DNAH6: variants seen among roughly 807,000 people sequenced by gnomAD.
The protein encoded by DNAH6 is dynein axonemal heavy chain 6, also known as axonemal beta dynein heavy chain 6.
In DNAH6, 340 loss-of-function variants were observed where a neutral mutation model predicts 491.4. The ratio of observed to expected loss-of-function variants is 0.69; its 90% confidence interval spans 0.63 to 0.76. DNAH6 has a LOEUF of 0.76. Among genes scored for constraint, DNAH6 ranks in the 30% least tolerant of loss-of-function variants. The pLI, the probability that DNAH6 is intolerant of heterozygous loss-of-function variation, is 0.00. For synonymous variants in DNAH6, 1,603 were observed against 1,686.1 expected (o/e 0.95, Z 1.21); for missense variants, 4,443 against 4,972.2 (o/e 0.89, Z 3.20).
chr2:84,520,075 A>T (rs1190433278), intron 2 of DNAH6, among the ~76,000 whole-genome samples: 1 of 152,106 alleles, frequency 6.6e-6, no homozygotes, highest in Non-Finnish European at 1.5e-5. Flanking sequence ...TTCAAATGGT[A>T]CAGTAAAATT....
chr2:84,800,180 A>G (rs1416242835), intron 70 of DNAH6, among the ~76,000 whole-genome samples: 1 of 152,200 alleles, frequency 6.6e-6, no homozygotes, highest in East Asian at 1.9e-4. Context: ...GCACCCAGAA[A>G]CAAAGCCAAT....
At position 84,701,123 on chromosome 2, in the gene DNAH6, G is replaced by A. The variant is rs561941960; in HGVS notation, c.7845G>A (p.Val2615=). 6.4e-7 allele frequency: 1 copy of A among 1,551,800 alleles called. No individual in the cohort carries two copies. The highest frequency in any genetic ancestry group is 2.4e-5 in the East Asian group (1 of 40,910). Residue 2615 remains valine, a synonymous_variant, in exon 49 of 77, where the codon GTG becomes GTA. Transcript: ENST00000389394. ...VQWPREALLS[V]SKTFFSQVDA... ...GGCCCAGAGAAGCACTTCTTTCTGT[G>A]TCAAAGACATTTTTCTCACAAGTCG...
intron 7 of DNAH6, 31 bp from the exon 8 acceptor site, chr2:84,548,257 C>T: frequency 6.3e-7 from 1 of 1,584,854 alleles, no homozygotes; most frequent in East Asian, 2.2e-5. Flanking sequence ...TACACAAGTA[C>T]ACTTGTTGTT....
the DNAH6 span, among the ~76,000 whole-genome samples, chr2:84,474,025 T>C: frequency 6.6e-6 from 1 of 152,232 alleles, no homozygotes; most frequent in East Asian, 1.9e-4. Flanking sequence ...ATCTATTTGC[T>C]GGTTCTTTAT....
rs1685848576 is a variant in DNAH6, at chr2:84,607,146, A to G, written c.3294+51A>G. On this transcript the variant is annotated intron_variant, in intron 21 of 76. Transcript: ENST00000389394. Reference sequence around the variant, plus strand: ...ACACTCAGAGAATTGGAGAGTCACAAGGACCTTAGAAATTATTTGTTTCAT... The same window carrying G: ...ACACTCAGAGAATTGGAGAGTCACAGGGACCTTAGAAATTATTTGTTTCAT... 44 of 1,480,780 alleles carry G rather than the reference A, an allele frequency of 3.0e-5. 1 individual carries two copies. In the South Asian group the frequency reaches 3.9e-4, roughly 13 times the overall value. The allele number at this position is 1,480,780 out of a possible 1,614,324, so 91.7% of individuals were successfully genotyped here. A position where few individuals can be genotyped will look rare whatever the true frequency, so the allele number is the denominator to read the frequency against.
At chr2:84,596,037 G>A (rs1480955171) in intron 18 of DNAH6, among the ~76,000 whole-genome samples, 1 of 152,176 alleles carries the variant, frequency 6.6e-6, no homozygotes, top group Non-Finnish European at 1.5e-5. Context: ...AAGGGAAATA[G>A]TGCAGGAATA....
At chr2:84,784,062 A>G (rs1676951854) in intron 65 of DNAH6, among the ~76,000 whole-genome samples, 1 of 152,214 alleles carries the variant, frequency 6.6e-6, no homozygotes, top group African/African-American at 2.4e-5. Context: ...CGTACTTAAA[A>G]ACCAATGCCA....
intron 64 of DNAH6, among the ~76,000 whole-genome samples, chr2:84,780,899 T>C (rs1240200283): frequency 6.6e-6 from 1 of 152,184 alleles, no homozygotes; most frequent in Non-Finnish European, 1.5e-5. Context: ...GGTTTCTTAG[T>C]TGTAGCTAGT....
intron 63 of DNAH6, among the ~76,000 whole-genome samples, chr2:84,752,033 T>C (rs1573699992): frequency 6.6e-6 from 1 of 152,230 alleles, no homozygotes; most frequent in East Asian, 1.9e-4. Context: ...CTAAATCCAC[T>C]GGGAACTCAA....
chr2:84,525,897 A>C (rs571547552), intron 3 of DNAH6, among the ~76,000 whole-genome samples, 159 bp downstream of exon 3: 2 of 152,330 alleles, frequency 1.3e-5, no homozygotes, highest in Admixed American at 6.5e-5. Context: ...CTATTTAAGG[A>C]AAACTCTTAC....
chr2:84,741,950 C>G (rs540770891), intron 62 of DNAH6, among the ~76,000 whole-genome samples: 13 of 152,368 alleles, frequency 8.5e-5, no homozygotes, highest in African/African-American at 2.6e-4. Context: ...TACTGTTTCC[C>G]TGCATCCAGG....
the DNAH6 span, among the ~76,000 whole-genome samples, chr2:84,491,063 T>C: frequency 1.3e-5 from 2 of 152,174 alleles, no homozygotes; most frequent in African/African-American, 4.8e-5. Context: ...AAAAATAAGG[T>C]AGCTATAAAA....
At chr2:84,720,192 G>T (rs1697961789) in intron 59 of DNAH6, among the ~76,000 whole-genome samples, 1 of 151,538 alleles carries the variant, frequency 6.6e-6, no homozygotes, top group Non-Finnish European at 1.5e-5. Flanking sequence ...GCCATGGGTG[G>T]TGTGGGAAGA....
intron 39 of DNAH6, 136 bp downstream of exon 39, chr2:84,670,611 G>C: frequency 3.0e-6 from 2 of 665,098 alleles, no homozygotes; most frequent in East Asian, 6.0e-5. Context: ...TCTGTTCATG[G>C]CATTTTTATG....
intron 5 of DNAH6, among the ~76,000 whole-genome samples, chr2:84,546,091 T>A (rs1678759021): frequency 6.6e-6 from 1 of 152,146 alleles, no homozygotes; most frequent in Non-Finnish European, 1.5e-5. Flanking sequence ...TACCTGTCCC[T>A]TCCCCCAACT....
At chr2:84,495,383 G>C in the DNAH6 span, among the ~76,000 whole-genome samples, 110 of 152,196 alleles carry the variant, frequency 7.2e-4, 3 homozygotes, top group South Asian at 0.022. Flanking sequence ...GGCTGGTCTC[G>C]AACTCCTGAC....
At chr2:84,746,163 A>G (rs1355323475) in intron 63 of DNAH6, among the ~76,000 whole-genome samples, 1 of 152,216 alleles carries the variant, frequency 6.6e-6, no homozygotes, top group African/African-American at 2.4e-5. Flanking sequence ...ATATGGAAGT[A>G]GGAAACTGTA....
intron 23 of DNAH6, among the ~76,000 whole-genome samples, chr2:84,617,694 C>CTG (rs368962459): frequency 6.6e-6 from 1 of 151,356 alleles, no homozygotes; most frequent in Non-Finnish European, 1.5e-5. Context: ...ATATGTGTGC[C>CTG]TGTGTGTGTG....
Position 84,709,659 on chromosome 2 carries a change from A to G in DNAH6, c.9252+113A>G, listed in dbSNP as rs144650928. The G allele has an allele frequency of 1.3e-4, 148 of 1,171,152 alleles. No homozygotes were observed. The African/African-American group carries it at 1.4e-3, about 11-fold the overall frequency. 72.5% of individuals were successfully genotyped at this position (1,171,152 alleles called of 1,614,324 possible). A position where few individuals can be genotyped will look rare whatever the true frequency, so the allele number is the denominator to read the frequency against. On this transcript the variant is annotated intron_variant, in intron 55 of 76. Transcript: ENST00000389394. Reference sequence around the variant, plus strand: ...ACTTGGAGATTTAGATTTAACATACATGGAGATTTAGACCTAGAAGAGAGT... The same window carrying G: ...ACTTGGAGATTTAGATTTAACATACGTGGAGATTTAGACCTAGAAGAGAGT...
Sources: gnomAD v4.1 joint callset for allele counts (sites outside exome capture counted in the v4.1 genomes callset) on GRCh38, gnomAD v4.1.1 for gene constraint, MANE v1.5 for transcripts, NCBI Gene and HGNC (gene_info 2026-07-23, HGNC 2026-07-21) for gene names.